The following KCNN3 variants were observed in gnomAD, a reference collection of about 807,000 sequenced individuals.
KCNN3 encodes small conductance calcium-activated potassium channel protein 3.
A neutral mutation model predicts 62.9 loss-of-function variants in KCNN3; 16 were observed. The ratio of observed to expected loss-of-function variants is 0.25; its 90% confidence interval spans 0.17 to 0.39. KCNN3 has a LOEUF of 0.39. KCNN3 is among the 10% of genes least tolerant of loss of function. The pLI, the probability that KCNN3 is intolerant of heterozygous loss-of-function variation, is 1.00. For synonymous variants in KCNN3, 370 were observed against 389.2 expected (o/e 0.95, Z 0.58); for missense variants, 599 against 949.4 (o/e 0.63, Z 4.85).
chr1:154,866,395 C>T (rs757321985), intron 1 of KCNN3, among the ~76,000 whole-genome samples: 2 of 152,148 alleles, frequency 1.3e-5, no homozygotes, highest in Non-Finnish European at 2.9e-5. Context: ...TAATTTAATT[C>T]TCCCTACTCG....
In KCNN3 at chr1:154,756,013, AAAG is replaced by A. The variant is rs1412270066; in HGVS notation, c.1448+15959_1448+15961del. Among the ~76,000 whole-genome samples the A allele has an allele frequency of 8.6e-5, 11 of 128,288 alleles. 1 individual carries two copies. The highest frequency in any genetic ancestry group is 2.8e-4 in the African/African-American group (9 of 31,632). The allele number at this position is 128,288 out of a possible 152,430, so 84.2% of individuals were successfully genotyped here. On this transcript the variant is annotated intron_variant, in intron 3 of 7. Transcript: ENST00000271915. Reference sequence around the variant, plus strand: ...GCAAGAAGAACAAGAAGCCAAAGGCAAAGAAGAAGAAGACGATGATGAAAAGGA... The same window carrying A: ...GCAAGAAGAACAAGAAGCCAAAGGCAAAGAAGAAGACGATGATGAAAAGGA...
chr1:154,840,072 T>G (rs561868976), intron 1 of KCNN3, among the ~76,000 whole-genome samples: 1 of 152,230 alleles, frequency 6.6e-6, no homozygotes, highest in African/African-American at 2.4e-5. Flanking sequence ...ATTTGTCTCT[T>G]GCAATTTATC....
chr1:154,824,948 A>G (rs1403152951), intron 1 of KCNN3, among the ~76,000 whole-genome samples: 6 of 152,200 alleles, frequency 3.9e-5, no homozygotes, highest in Non-Finnish European at 1.5e-5. Context: ...TCGATATCTT[A>G]CAGATTTCTT....
intron 2 of KCNN3, among the ~76,000 whole-genome samples, chr1:154,775,451 T>C (rs978285393): frequency 6.6e-6 from 1 of 152,144 alleles, no homozygotes; most frequent in Non-Finnish European, 1.5e-5. Context: ...TACAGAGCCA[T>C]ACTGGAGAGC....
chr1:154,700,693 C>T lies in KCNN3; in HGVS notation c.*7283G>A, dbSNP rs1212438381. 6 of 152,094 alleles carry T rather than the reference C, an allele frequency of 3.9e-5. No homozygotes were observed. Among genetic ancestry groups the T allele is most frequent in the Non-Finnish European group, 8.8e-5 (6 of 68,048 alleles). The allele number at this position is 152,094 out of a possible 1,614,324, so 9.4% of individuals were successfully genotyped here. On this transcript the variant is annotated 3_prime_UTR_variant, in exon 8 of 8. Coordinates refer to ENST00000271915, the MANE Select transcript of KCNN3 (RefSeq NM_002249.6). ...TGGCACGCACCTGTAATCCCAGCTA[C>T]TCGGGAGGCTGAGGCAGGAGAATTG...
intron 7 of KCNN3, among the ~76,000 whole-genome samples, chr1:154,711,591 A>G (rs1700076131): frequency 1.3e-5 from 2 of 152,004 alleles, no homozygotes; most frequent in African/African-American, 4.8e-5. Flanking sequence ...GAGGAGAAAC[A>G]GGAAATACTG....
intron 1 of KCNN3, among the ~76,000 whole-genome samples, chr1:154,827,981 C>T (rs138651859): frequency 6.6e-5 from 10 of 152,256 alleles, no homozygotes; most frequent in African/African-American, 2.2e-4. Flanking sequence ...TCTCCCAGGA[C>T]TGTCCAACCT....
chr1:154,802,518 T>C (rs773797964), intron 2 of KCNN3, among the ~76,000 whole-genome samples: 1 of 152,192 alleles, frequency 6.6e-6, no homozygotes, highest in Non-Finnish European at 1.5e-5. Context: ...TAGAGCCTGA[T>C]GTCCAAGCTC....
At chr1:154,868,900 A>ATCTCTCTCTCTC (rs60145117) in intron 1 of KCNN3, 132 bp downstream of exon 1, 253 of 759,456 alleles carry the variant, frequency 3.3e-4, no homozygotes, top group South Asian at 4.2e-4. Context: ...CAATCTCTCA[A>ATCTCTCTCTCTC]TCTCTCTCTC....
chr1:154,732,741 C>A (rs1181335805), intron 4 of KCNN3, among the ~76,000 whole-genome samples: 1 of 152,204 alleles, frequency 6.6e-6, no homozygotes, highest in Admixed American at 6.5e-5. Flanking sequence ...CTTCACCCAG[C>A]CCATTTTGAG....
chr1:154,764,686 T>C (rs1648177917), intron 3 of KCNN3, among the ~76,000 whole-genome samples: 1 of 152,242 alleles, frequency 6.6e-6, no homozygotes, highest in South Asian at 2.1e-4. Flanking sequence ...AATCTGAGGA[T>C]TTGCAACCCT....
chr1:154,851,480 T>G (rs1652297316), intron 1 of KCNN3, among the ~76,000 whole-genome samples: 1 of 152,086 alleles, frequency 6.6e-6, no homozygotes, highest in Non-Finnish European at 1.5e-5. Context: ...AACCACAAAC[T>G]CCCTGTCTTC....
intron 1 of KCNN3, among the ~76,000 whole-genome samples, chr1:154,826,060 A>G (rs1414045178): frequency 1.1e-5 from 1 of 87,050 alleles, no homozygotes; most frequent in African/African-American, 4.7e-5. Flanking sequence ...AAAAAACAAA[A>G]ACAAAAACAA....
intron 4 of KCNN3, among the ~76,000 whole-genome samples, chr1:154,728,799 AAG>A (rs1183230864): frequency 6.6e-6 from 1 of 152,166 alleles, no homozygotes; most frequent in Non-Finnish European, 1.5e-5. Context: ...GCTGAAGAAT[AAG>A]AAAAAATGAT....
intron 1 of KCNN3, among the ~76,000 whole-genome samples, chr1:154,828,121 G>A (rs1297592650): frequency 1.3e-5 from 2 of 152,102 alleles, no homozygotes; most frequent in African/African-American, 4.8e-5. Context: ...GACAGCTCTG[G>A]AACAGAGGCC....
At position 154,776,401 on chromosome 1, in the gene KCNN3, G is replaced by A. The variant is rs1282505381; in HGVS notation, c.1030-4008C>T. ...TAAGCTGGCTGGCCTGGGGGCACTC[G>A]TAAACAGTGTGTGTAAAGAGCGGGT... On this transcript the variant is annotated intron_variant, in intron 2 of 7. Coordinates refer to ENST00000271915, the MANE Select transcript of KCNN3 (RefSeq NM_002249.6). Among the ~76,000 whole-genome samples, 7 of 152,234 alleles carry A rather than the reference G, an allele frequency of 4.6e-5. No homozygotes were observed. The East Asian group carries it at 5.8e-4, about 13-fold the overall frequency.
chr1:154,762,014 T>A (rs2101828378), intron 3 of KCNN3, among the ~76,000 whole-genome samples: 1 of 152,228 alleles, frequency 6.6e-6, no homozygotes, highest in East Asian at 1.9e-4. Flanking sequence ...TTTGATTTTT[T>A]AAAATTCTTG....
rs372729598 is a variant in KCNN3, at chr1:154,787,168, T to C, written c.1030-14775A>G. On this transcript the variant is annotated intron_variant, in intron 2 of 7. Coordinates refer to ENST00000271915, the MANE Select transcript of KCNN3 (RefSeq NM_002249.6). ...CACTTATTTCAAGGCCACCTCTCCA[T>C]GTGAATTCCTATCGTAGGCACTGAA... Among the ~76,000 whole-genome samples the C allele has an allele frequency of 1.6e-4, 25 of 152,348 alleles. No individual in the cohort carries two copies. The South Asian group carries it at 4.8e-3, about 29-fold the overall frequency.
rs1215853937 is a variant in KCNN3, at chr1:154,809,216, C to T, written c.1029+12873G>A. Among the ~76,000 whole-genome samples, 4 of 152,200 alleles carry T rather than the reference C, an allele frequency of 2.6e-5. No individual in the cohort carries two copies. Among genetic ancestry groups the T allele is most frequent in the Admixed American group, 2.0e-4 (3 of 15,278 alleles). On this transcript the variant is annotated intron_variant, in intron 2 of 7. Transcript: ENST00000271915. This position sits in a 1 kb window ranked among gnomAD's most constrained non-coding sequence, Gnocchi z 4.3. ...TCACCCGTCCATTTCACAGACTCAACACTCAGCCCCAGCAGCCAAGCCCCA... is the reference window on the plus strand; with the variant it reads ...TCACCCGTCCATTTCACAGACTCAATACTCAGCCCCAGCAGCCAAGCCCCA...
Sources: allele counts gnomAD v4.1 joint callset (sites outside exome capture counted in the v4.1 genomes callset), GRCh38; gene constraint gnomAD v4.1.1; non-coding constraint Gnocchi (gnomAD v3.1); transcripts MANE v1.5; gene names NCBI Gene and HGNC (gene_info 2026-07-23, HGNC 2026-07-21).